The following GAK variants were observed in gnomAD, a reference collection of about 807,000 sequenced individuals.
GAK encodes the protein cyclin G associated kinase.
In GAK, 79 loss-of-function variants were observed where a neutral mutation model predicts 143.9. The ratio of observed to expected loss-of-function variants is 0.55; its 90% CI spans 0.46 to 0.66. GAK has a LOEUF of 0.66. Among genes scored for constraint, GAK ranks in the 30% least tolerant of loss-of-function variants. The pLI, the probability that GAK is intolerant of heterozygous loss-of-function variation, is 0.00. For synonymous variants in GAK, 881 were observed against 765.5 expected, an observed-to-expected ratio of 1.15 and a Z score of -2.49; for missense variants, 1,693 against 1,779.7, an observed-to-expected ratio of 0.95 and a Z score of 0.88.
At chr4:922,741 G>A (rs1724107892) in intron 1 of GAK, among the ~76,000 whole-genome samples, 1 of 152,086 alleles carries the variant, frequency 6.6e-6, no homozygotes, top group South Asian at 2.1e-4. Context: ...AAAACAATCT[G>A]GCAGTTTTCT....
intron 24 of GAK, among the ~76,000 whole-genome samples, chr4:858,922 C>T (rs1357456365): frequency 6.6e-6 from 1 of 152,232 alleles, no homozygotes; most frequent in Non-Finnish European, 1.5e-5. Flanking sequence ...CCGGCACCAA[C>T]AAGCATCCCA....
intron 24 of GAK, among the ~76,000 whole-genome samples, chr4:855,247 G>A (rs76980717): frequency 0.027 from 4,101 of 151,954 alleles, 71 homozygotes; most frequent in Non-Finnish European, 0.039. Flanking sequence ...CATCTCCTCT[G>A]GTCTCTTTCG....
intron 2 of GAK, 116 bp downstream of exon 2, chr4:913,491 C>T: frequency 1.2e-6 from 1 of 820,394 alleles, no homozygotes; most frequent in South Asian, 1.4e-5. Flanking sequence ...ACAAGTATGT[C>T]CAGGCTGTAA....
chr4:905,584 CCCAGGCCACGTT>C (rs1720933826), intron 4 of GAK, among the ~76,000 whole-genome samples: 1 of 151,524 alleles, frequency 6.6e-6, no homozygotes, highest in Admixed American at 6.6e-5. Flanking sequence ...TTCGCCACGC[CCCAGGCCACGTT>C]ACGGACTCCG....
At chr4:905,161 G>A (rs1342509117) in intron 4 of GAK, among the ~76,000 whole-genome samples, 1 of 152,146 alleles carries the variant, frequency 6.6e-6, no homozygotes, top group African/African-American at 2.4e-5. Context: ...ACCTCTAGGG[G>A]GTATTTGGAC....
chr4:850,782 C>T lies in GAK; in HGVS notation c.3657+154G>A, dbSNP rs994206969. 9 of 798,282 alleles carry T rather than the reference C, an allele frequency of 1.1e-5. No homozygotes were observed. In the South Asian group the frequency reaches 2.0e-4, roughly 18 times the overall value. The allele number at this position is 798,282 out of a possible 1,614,324, so 49.4% of individuals were successfully genotyped here. The stretch of plus-strand genomic sequence containing the variant: ...CAGGCCCATCGGCAGTGACAGGTCC[C>T]TGTCTGGAGACGCCGGCTCCATGTG... On this transcript the variant is annotated intron_variant, in intron 26 of 27. Coordinates refer to ENST00000314167, the MANE Select transcript of GAK (RefSeq NM_005255.4).
At chr4:859,200 C>T (rs527481773) in intron 24 of GAK, 40 of 985,452 alleles carry the variant, frequency 4.1e-5, no homozygotes, top group Middle Eastern at 5.2e-4. Flanking sequence ...CTGAGGCAGA[C>T]GCAGGACTGG....
chr4:882,847 A>G (rs1194655170), intron 13 of GAK, 28 bp from the exon 14 acceptor site: 9 of 1,600,640 alleles, frequency 5.6e-6, no homozygotes, highest in Non-Finnish European at 7.6e-6. Context: ...GGTGGCACGG[A>G]CGGCAGAGGA....
chr4:860,624 C>A (rs968672059), intron 23 of GAK, among the ~76,000 whole-genome samples: 10 of 152,326 alleles, frequency 6.6e-5, no homozygotes, highest in African/African-American at 2.4e-4. Flanking sequence ...CCGGAGATGG[C>A]AGTTGCCCCT....
intron 1 of GAK, among the ~76,000 whole-genome samples, chr4:925,962 G>C (rs6842215): frequency 0.56 from 85,383 of 151,556 alleles, 24,526 homozygotes; most frequent in South Asian, 0.67. Context: ...GGAGGAAAGG[G>C]GAGTGGCCCA....
intron 9 of GAK, 81 bp downstream of exon 9, chr4:893,296 C>A (rs915161205): frequency 7.3e-5 from 76 of 1,036,984 alleles, no homozygotes; most frequent in Admixed American, 2.6e-4. Context: ...GTGCCTCCCT[C>A]CCCTCTGCGG....
At position 867,517 on chromosome 4, in the gene GAK, TCGGCC is replaced by T. The variant is rs1431773003; in HGVS notation, c.2396-90_2396-86del. ...CACGGCGCGTCCCTTCAGGGCCTCC[TCGGCC>T]CAGGGCCTTGGTGAACACACGTGGC... On this transcript the variant is annotated intron_variant, in intron 20 of 27. Coordinates refer to ENST00000314167, the MANE Select transcript of GAK (RefSeq NM_005255.4). 3.1e-5 allele frequency: 25 copies of T among 814,812 alleles called. No individual in the cohort carries two copies. In the African/African-American group the frequency reaches 4.3e-4, roughly 14 times the overall value. 50.5% of individuals were successfully genotyped at this position (814,812 alleles called of 1,614,324 possible). A position where few individuals can be genotyped will look rare whatever the true frequency, so the allele number is the denominator to read the frequency against.
At chr4:911,974 CAGG>C (rs1722123382) in intron 3 of GAK, 187 bp from the exon 4 acceptor site, 2 of 532,256 alleles carry the variant, frequency 3.8e-6, no homozygotes, top group African/African-American at 1.9e-5. Context: ...CAGACAGAGG[CAGG>C]AGGAGCTGCA....
intron 5 of GAK, among the ~76,000 whole-genome samples, chr4:899,408 G>A (rs1373713832): frequency 2.0e-5 from 3 of 151,912 alleles, no homozygotes; most frequent in Non-Finnish European, 4.4e-5. Context: ...CGGCACACAC[G>A]CGGTCAGTAC....
chr4:915,216 C>T (rs1049732869), intron 1 of GAK, among the ~76,000 whole-genome samples: 9 of 151,426 alleles, frequency 5.9e-5, no homozygotes, highest in African/African-American at 2.2e-4. Flanking sequence ...TCAGCCCCAG[C>T]GTACATGGCC....
At chr4:865,746 G>A (rs1239161383) in intron 22 of GAK, among the ~76,000 whole-genome samples, 1 of 152,218 alleles carries the variant, frequency 6.6e-6, no homozygotes, top group Non-Finnish European at 1.5e-5. Flanking sequence ...ATCCTGCAAT[G>A]GTCACCATCA....
At chr4:864,451 G>C (rs1000174097) in intron 23 of GAK, among the ~76,000 whole-genome samples, 1 of 152,202 alleles carries the variant, frequency 6.6e-6, no homozygotes, top group East Asian at 1.9e-4. Context: ...CTTTCTAGGG[G>C]TGTTCGCTTT....
chr4:891,254 C>T (rs984270932), intron 9 of GAK, among the ~76,000 whole-genome samples: 1 of 151,992 alleles, frequency 6.6e-6, no homozygotes, highest in Non-Finnish European at 1.5e-5. Context: ...AGCCACTGCA[C>T]CCAGGCTTTT....
At chr4:871,915 C>T (rs1224227520) in intron 18 of GAK, among the ~76,000 whole-genome samples, 2 of 152,198 alleles carry the variant, frequency 1.3e-5, no homozygotes, top group East Asian at 3.8e-4. Context: ...CCATGCCTGT[C>T]TTATTTTACG....
Sources: allele counts gnomAD v4.1 joint callset (sites outside exome capture counted in the v4.1 genomes callset), GRCh38; gene constraint gnomAD v4.1.1; transcripts MANE v1.5; gene names NCBI Gene and HGNC (gene_info 2026-07-23, HGNC 2026-07-21).